Variants in SCNN1B observed in about 807,000 individuals in gnomAD.
The protein encoded by SCNN1B is epithelial sodium channel subunit beta.
In SCNN1B, 46 loss-of-function variants were observed where a neutral mutation model predicts 65.3. The ratio of observed to expected loss-of-function variants is 0.70; its 90% CI spans 0.56 to 0.90. The LOEUF is 0.90. SCNN1B is among the 40% of genes least tolerant of loss of function. The pLI is 0.00. For missense variants in SCNN1B, 751 were observed against 830.5 expected (o/e 0.90, Z 1.18); for synonymous variants, 349 against 330.6 (o/e 1.06, Z -0.60).
chr16:23,357,720 T>C (rs1005774477), intron 4 of SCNN1B, among the ~76,000 whole-genome samples: 1 of 151,938 alleles, frequency 6.6e-6, no homozygotes, highest in Non-Finnish European at 1.5e-5. Context: ...TTCCCATAGG[T>C]GGAAGATTTG....
intron 8 of SCNN1B, among the ~76,000 whole-genome samples, chr16:23,376,744 T>TAAA (rs770607656): frequency 4.7e-5 from 3 of 63,170 alleles, no homozygotes; most frequent in Non-Finnish European, 7.8e-5. Flanking sequence ...ACCCCGTCTA[T>TAAA]AAAAAAAAAA....
intron 1 of SCNN1B, among the ~76,000 whole-genome samples, chr16:23,331,156 C>T (rs1278897864): frequency 6.6e-6 from 1 of 152,126 alleles, no homozygotes; most frequent in East Asian, 1.9e-4. Context: ...AGGTCTCTGC[C>T]CCACACAACT....
chr16:23,306,641 G>A (rs1254106344), intron 1 of SCNN1B, among the ~76,000 whole-genome samples: 2 of 152,214 alleles, frequency 1.3e-5, no homozygotes, highest in Non-Finnish European at 2.9e-5. Context: ...TAAAGGAAAG[G>A]TTCAAAGAGA....
chr16:23,332,224 C>T (rs955044096), intron 1 of SCNN1B, among the ~76,000 whole-genome samples: 10 of 151,390 alleles, frequency 6.6e-5, no homozygotes, highest in South Asian at 2.1e-4. Context: ...GAGATGGAGT[C>T]TCGCTCTGTT....
intron 1 of SCNN1B, among the ~76,000 whole-genome samples, chr16:23,344,077 A>G (rs1962136026): frequency 6.6e-6 from 1 of 152,228 alleles, no homozygotes; most frequent in African/African-American, 2.4e-5. Context: ...AACTTTTGCT[A>G]CCTGTAGTAC....
At position 23,377,259 on chromosome 16, in the gene SCNN1B, G is replaced by A. The variant is rs180816859; in HGVS notation, c.1346+19G>A. The A allele has an allele frequency of 8.7e-6, 14 of 1,614,116 alleles. No homozygotes were observed. In the East Asian group the frequency reaches 2.5e-4, roughly 28 times the overall value. On this transcript the variant is annotated intron_variant, in intron 9 of 12. Coordinates refer to ENST00000343070, the MANE Select transcript of SCNN1B (RefSeq NM_000336.3). ...CCTGCAAGTGAGTGCGGGTGGGCGGGCACAGCAGCGGGCAGGCATGGAGGG... is the reference window on the plus strand; with the variant it reads ...CCTGCAAGTGAGTGCGGGTGGGCGGACACAGCAGCGGGCAGGCATGGAGGG...
exon 2 of SCNN1B, chr16:23,283,755 G>A (rs1960814338): frequency 6.6e-6 from 1 of 152,224 alleles, no homozygotes; most frequent in Admixed American, 6.5e-5. Flanking sequence ...CCAAGCCGGA[G>A]ATGGTGAAGC....
chr16:23,346,133 C>T (rs1962180034), intron 1 of SCNN1B, among the ~76,000 whole-genome samples: 1 of 151,806 alleles, frequency 6.6e-6, no homozygotes, highest in South Asian at 2.1e-4. Flanking sequence ...TACTCTCCAA[C>T]CTCATGCTCC....
intron 4 of SCNN1B, among the ~76,000 whole-genome samples, chr16:23,365,548 AGAAGGAAAG>A (rs1962637358): frequency 9.3e-6 from 1 of 107,376 alleles, no homozygotes; most frequent in African/African-American, 5.8e-5. Context: ...GGAAAGAGAA[AGAAGGAAAG>A]AGAAAGAAAG....
intron 1 of SCNN1B, among the ~76,000 whole-genome samples, chr16:23,328,350 G>T (rs1961740003): frequency 6.6e-6 from 1 of 152,186 alleles, no homozygotes. Context: ...AAACAAGAGT[G>T]AGTCAACTTA....
At chr16:23,377,505 C>A in intron 10 of SCNN1B, 119 bp downstream of exon 10, 1 of 835,958 alleles carries the variant, frequency 1.2e-6, no homozygotes, top group Non-Finnish European at 2.0e-6. Context: ...CTCCTTCCTT[C>A]CTTCTCTGTT....
rs533571705 is a variant in SCNN1B, at chr16:23,329,787, C to G, written c.-8-18805C>G. Among the ~76,000 whole-genome samples, 5 of 152,314 alleles carry G rather than the reference C, an allele frequency of 3.3e-5. No homozygotes were observed. The South Asian group carries it at 1.0e-3, about 32-fold the overall frequency. On this transcript the variant is annotated intron_variant, in intron 1 of 12. Coordinates refer to ENST00000343070, the MANE Select transcript of SCNN1B (RefSeq NM_000336.3). Reference sequence around the variant, plus strand: ...ACTGGGGGTCATGCACACTCACATTCTAACCAGGCGATAGAAGGCTTTCTT... The same window carrying G: ...ACTGGGGGTCATGCACACTCACATTGTAACCAGGCGATAGAAGGCTTTCTT...
intron 1 of SCNN1B, among the ~76,000 whole-genome samples, chr16:23,326,043 C>T (rs955287577): frequency 6.6e-6 from 1 of 152,048 alleles, no homozygotes; most frequent in Non-Finnish European, 1.5e-5. Flanking sequence ...CCACTGCACT[C>T]CAGCCTGGGC....
rs563225832 is a variant in SCNN1B at position 23,380,197 on chromosome 16, A to AGCCCT, written c.1542+40_1542+44dup. 147 of 1,593,094 alleles carry AGCCCT rather than the reference A, an allele frequency of 9.2e-5. 2 individuals carry two copies. The South Asian group carries it at 1.5e-3, about 16-fold the overall frequency. ...GAGTTTAGGAGTCTCCCAATACCCC[A>AGCCCT]GCCCTGCCCTGCCCTGACCCCTGCA... On this transcript the variant is annotated intron_variant, in intron 12 of 12. Coordinates refer to ENST00000343070, the MANE Select transcript of SCNN1B (RefSeq NM_000336.3). This position sits in a 1 kb window ranked among gnomAD's most constrained non-coding sequence, Gnocchi z 5.4.
intron 1 of SCNN1B, among the ~76,000 whole-genome samples, chr16:23,341,739 T>C (rs1460118438): frequency 2.0e-5 from 3 of 152,200 alleles, no homozygotes; most frequent in African/African-American, 4.8e-5. Flanking sequence ...TTCAACATCA[T>C]AGCTATCAGG....
chr16:23,367,381 C>T (rs1312623768), intron 4 of SCNN1B, among the ~76,000 whole-genome samples: 1 of 152,004 alleles, frequency 6.6e-6, no homozygotes, highest in African/African-American at 2.4e-5. Flanking sequence ...CAAGCAGCCT[C>T]GAACTCCTGG....
chr16:23,336,623 G>C (rs1025182109), intron 1 of SCNN1B, among the ~76,000 whole-genome samples: 1 of 152,056 alleles, frequency 6.6e-6, no homozygotes, highest in East Asian at 1.9e-4. Context: ...GCCCACCTCG[G>C]CCTCCCAAAG....
In SCNN1B at chr16:23,374,854, G is replaced by A. The variant is rs371810496; in HGVS notation, c.1153-884G>A. Among the ~76,000 whole-genome samples the A allele has an allele frequency of 1.8e-4, 27 of 152,018 alleles. No homozygotes were observed. In the South Asian group the frequency reaches 5.0e-3, roughly 28 times the overall value. On this transcript the variant is annotated intron_variant, in intron 7 of 12. Transcript: ENST00000343070. ...TGGCCAGGGCTGTGTCCAGGAGCCC[G>A]GGGTAGTCAGGACCTAGGAAACTGG...
intron 11 of SCNN1B, among the ~76,000 whole-genome samples, chr16:23,379,209 C>T (rs1962983717): frequency 7.0e-6 from 1 of 142,152 alleles, no homozygotes; most frequent in Non-Finnish European, 1.5e-5. Context: ...TCATCCACCT[C>T]TCCATTCTCC....
Sources: gnomAD v4.1 joint callset for allele counts (sites outside exome capture counted in the v4.1 genomes callset) on GRCh38, gnomAD v4.1.1 for gene constraint, Gnocchi (gnomAD v3.1) non-coding constraint, MANE v1.5 for transcripts, NCBI Gene and HGNC (gene_info 2026-07-23, HGNC 2026-07-21) for gene names.